The following ZNF536 variants were observed in gnomAD, a reference collection of about 807,000 sequenced individuals.
ZNF536 encodes zinc finger protein 536.
Under a neutral mutation model 84.5 loss-of-function variants are expected in ZNF536, and 13 were observed. That is an observed-to-expected ratio of 0.15 (90% CI 0.10 to 0.24). ZNF536 has a LOEUF of 0.24. Among genes scored for constraint, ZNF536 ranks in the 10% least tolerant of loss-of-function variants. The probability of loss-of-function intolerance (pLI) is 1.00; values close to 1 mark genes in which losing one functional copy is unlikely to be tolerated. For synonymous variants in ZNF536, 811 were observed against 742.5 expected (o/e 1.09, Z -1.50); for missense variants, 1,536 against 1,747.5 (o/e 0.88, Z 2.16).
At chr19:30,323,831 C>T (rs1285537071) in intron 2 of ZNF536, among the ~76,000 whole-genome samples, 3 of 152,162 alleles carry the variant, frequency 2.0e-5, no homozygotes, top group Admixed American at 6.5e-5. Context: ...CATTATTCTA[C>T]TCACTTCTTT....
intron 1 of ZNF536, among the ~76,000 whole-genome samples, chr19:30,404,596 A>G (rs2147574038): frequency 6.6e-6 from 1 of 152,354 alleles, no homozygotes; most frequent in African/African-American, 2.4e-5. Flanking sequence ...AACAGGACTG[A>G]GTGCCCAGGA....
At chr19:30,438,366 A>G (rs1310288008) in intron 1 of ZNF536, among the ~76,000 whole-genome samples, 1 of 152,192 alleles carries the variant, frequency 6.6e-6, no homozygotes, top group Admixed American at 6.5e-5. Context: ...ATGTGAAATT[A>G]TAAAAAAAAA....
intron 2 of ZNF536, among the ~76,000 whole-genome samples, chr19:30,335,483 C>A (rs1321322264): frequency 6.6e-6 from 1 of 152,136 alleles, no homozygotes; most frequent in Non-Finnish European, 1.5e-5. Context: ...CACGCCCACC[C>A]CTCTTCCCAG....
At chr19:30,455,666 A>G (rs2052807323) in intron 2 of ZNF536, among the ~76,000 whole-genome samples, 1 of 152,178 alleles carries the variant, frequency 6.6e-6, no homozygotes, top group Non-Finnish European at 1.5e-5. Flanking sequence ...GTGTCACTGC[A>G]CTCCAGCCTG....
chr19:30,578,735 A>G (rs1302432437), intron 1 of ZNF536, among the ~76,000 whole-genome samples: 3 of 152,248 alleles, frequency 2.0e-5, no homozygotes, highest in Non-Finnish European at 4.4e-5. Flanking sequence ...CAGGAAGGAC[A>G]ACTTGAGGCC....
chr19:30,423,614 G>A (rs1228885707), intron 1 of ZNF536, among the ~76,000 whole-genome samples: 1 of 152,238 alleles, frequency 6.6e-6, no homozygotes, highest in East Asian at 1.9e-4. Context: ...ATAGATCAGA[G>A]GTTGCACTTG....
intron 2 of ZNF536, among the ~76,000 whole-genome samples, chr19:30,480,330 C>T (rs748825561): frequency 1.3e-4 from 20 of 152,216 alleles, no homozygotes; most frequent in South Asian, 4.1e-4. Context: ...CCTTCCCCAA[C>T]GTGATGTCAT....
intron 1 of ZNF536, among the ~76,000 whole-genome samples, chr19:30,657,082 A>C (rs1350170386): frequency 6.6e-6 from 1 of 152,144 alleles, no homozygotes; most frequent in Non-Finnish European, 1.5e-5. Flanking sequence ...AAAAGTGTAG[A>C]AAGAATACAC....
chr19:30,582,332 A>G (rs535057143), intron 1 of ZNF536, among the ~76,000 whole-genome samples: 1 of 148,898 alleles, frequency 6.7e-6, no homozygotes, highest in South Asian at 2.1e-4. Flanking sequence ...GCAGCTTCCA[A>G]TTCTCTACAC....
chr19:30,417,654 CAA>C (rs1412221039), intron 1 of ZNF536, among the ~76,000 whole-genome samples: 1 of 152,168 alleles, frequency 6.6e-6, no homozygotes, highest in Admixed American at 6.5e-5. Flanking sequence ...ACTTCCATAA[CAA>C]TATTTAAGAA....
intron 1 of ZNF536, among the ~76,000 whole-genome samples, chr19:30,373,218 C>T (rs775999728): frequency 1.3e-4 from 20 of 152,016 alleles, no homozygotes; most frequent in Non-Finnish European, 2.1e-4. Context: ...TTTTTAAACT[C>T]CAGTAGAACG....
chr19:30,617,366 T>TTTTTTTTTG (rs869281886), intron 1 of ZNF536, among the ~76,000 whole-genome samples: 1 of 115,990 alleles, frequency 8.6e-6, no homozygotes, highest in Non-Finnish European at 1.8e-5. Flanking sequence ...TTTTTTTTTT[T>TTTTTTTTTG]ATGAGATGGA....
intron 1 of ZNF536, among the ~76,000 whole-genome samples, chr19:30,569,287 T>G (rs1455535153): frequency 6.6e-6 from 1 of 152,120 alleles, no homozygotes; most frequent in African/African-American, 2.4e-5. Flanking sequence ...TTTTTGATCA[T>G]CCTAGCTAGA....
intron 2 of ZNF536, among the ~76,000 whole-genome samples, chr19:30,298,205 G>A (rs952321486): frequency 6.6e-6 from 1 of 152,050 alleles, no homozygotes; most frequent in Non-Finnish European, 1.5e-5. Flanking sequence ...GAATCCCACC[G>A]GGTCCTCTAC....
At position 30,586,240 on chromosome 19, in the gene ZNF536, C is replaced by A. The variant is rs190916870; in HGVS notation, c.169+36726C>A. Among the ~76,000 whole-genome samples the A allele has an allele frequency of 3.4e-4, 52 of 152,342 alleles. 1 individual carries two copies. Among genetic ancestry groups the A allele is most frequent in the African/African-American group, 1.2e-3 (51 of 41,568 alleles). On this transcript the variant is annotated intron_variant, in intron 1 of 1. Transcript: ENST00000592773. The stretch of plus-strand genomic sequence containing the variant: ...CCCTCTGCTTATCCTGGTTCCGTCG[C>A]TGGATGGAAGAAATTTTGATGGACA...
At chr19:30,404,039 T>TC (rs1491433312) in intron 1 of ZNF536, among the ~76,000 whole-genome samples, 3 of 138,208 alleles carry the variant, frequency 2.2e-5, no homozygotes, top group African/African-American at 9.0e-5. Context: ...TTTTTTTTTT[T>TC]CTGCTGTTCA....
At chr19:30,578,912 C>T (rs527553066) in intron 1 of ZNF536, among the ~76,000 whole-genome samples, 35 of 152,280 alleles carry the variant, frequency 2.3e-4, no homozygotes, top group East Asian at 9.7e-4. Context: ...CTTTGGCATC[C>T]GCTGGAATTG....
chr19:30,571,996 A>G (rs2046565070), intron 1 of ZNF536, among the ~76,000 whole-genome samples: 1 of 152,124 alleles, frequency 6.6e-6, no homozygotes, highest in East Asian at 1.9e-4. Flanking sequence ...CATCCAAGCA[A>G]GGAAGGTGTT....
intron 1 of ZNF536, among the ~76,000 whole-genome samples, chr19:30,256,163 G>A (rs1372008271): frequency 6.6e-6 from 1 of 152,114 alleles, no homozygotes; most frequent in Non-Finnish European, 1.5e-5. Flanking sequence ...AGAATTTAAG[G>A]CCCCACAGAA....
Sources: allele counts gnomAD v4.1 joint callset (sites outside exome capture counted in the v4.1 genomes callset), GRCh38; gene constraint gnomAD v4.1.1; transcripts MANE v1.5; gene names NCBI Gene and HGNC (gene_info 2026-07-23, HGNC 2026-07-21).